Variants in MORC2 observed in about 807,000 individuals in gnomAD.
MORC2 encodes ATPase MORC2.
A neutral mutation model predicts 136.0 loss-of-function variants in MORC2; 30 were observed. The ratio of observed to expected loss-of-function variants is 0.22; its 90% CI spans 0.17 to 0.30. MORC2 has a LOEUF of 0.30. Among genes scored for constraint, MORC2 ranks in the 10% least tolerant of loss-of-function variants. The pLI is 1.00. For missense variants in MORC2, 922 were observed against 1,333.1 expected (o/e 0.69, Z 4.80); for synonymous variants, 439 against 487.0 (o/e 0.90, Z 1.30).
At chr22:30,966,987 G>C (rs1000999411) in intron 1 of MORC2, 13 of 612,240 alleles carry the variant, frequency 2.1e-5, no homozygotes, top group Non-Finnish European at 2.7e-5. Context: ...TCTCGACTCT[G>C]AAGTGGGTTC....
chr22:30,953,709 C>T (rs1172042018), intron 3 of MORC2, among the ~76,000 whole-genome samples: 2 of 152,114 alleles, frequency 1.3e-5, no homozygotes, highest in Non-Finnish European at 2.9e-5. Flanking sequence ...GCACTACCTA[C>T]CCCAGAAGGT....
At position 30,941,924 on chromosome 22, in the gene MORC2, T is replaced by A. The variant is rs748966530; in HGVS notation, c.665A>T (p.Asp222Val). 6.2e-7 allele frequency: 1 copy of A among 1,613,642 alleles called. No individual in the cohort carries two copies. Among genetic ancestry groups the A allele is most frequent in the Non-Finnish European group, 8.5e-7 (1 of 1,179,584 alleles). The change falls in exon 8 of 26, where the codon GAT becomes GTT. Residue 222 changes from aspartate to valine, a missense_variant. Asp to Val is a radical substitution (Grantham distance 152). Coordinates refer to ENST00000397641, the MANE Select transcript of MORC2 (RefSeq NM_001303256.3). This position sits in a 1 kb window ranked among gnomAD's most constrained non-coding sequence, Gnocchi z 4.6. ...PELDIISNPR[D>V]IQMAETSPEG... is the part of the protein sequence containing the mutation. ...TGGGGACGTCTCTGCCATCTGGATA[T>A]CTCTTGGATTTGAGATTATGTCTAG...
chr22:30,933,652 C>A, intron 20 of MORC2, 132 bp from the exon 21 acceptor site: 1 of 867,068 alleles, frequency 1.2e-6, no homozygotes, highest in East Asian at 2.5e-5. Context: ...CACCAAGCCC[C>A]GTTGAGAGCC....
At chr22:30,961,839 T>C (rs747057345) in intron 1 of MORC2, among the ~76,000 whole-genome samples, 26 of 152,114 alleles carry the variant, frequency 1.7e-4, no homozygotes, top group Non-Finnish European at 3.7e-4. Context: ...CCCACAAGAA[T>C]GAGAAATTTA....
chr22:30,946,304 G>A (rs770088367), intron 6 of MORC2, 37 bp downstream of exon 6: 5 of 1,533,478 alleles, frequency 3.3e-6, no homozygotes, highest in Non-Finnish European at 4.5e-6. Flanking sequence ...CTCAGGAAAT[G>A]AGGACTGGTG....
At chr22:30,933,648 G>T in intron 20 of MORC2, 128 bp from the exon 21 acceptor site, 1 of 912,362 alleles carries the variant, frequency 1.1e-6, no homozygotes, top group Non-Finnish European at 1.7e-6. Context: ...AAATCACCAA[G>T]CCCCGTTGAG....
In MORC2 at chr22:30,940,049, C is replaced by A. The variant is rs1349605211; in HGVS notation, c.905-8G>T. On this transcript the variant is annotated splice_polypyrimidine_tract_variant and splice_region_variant and intron_variant, in intron 10 of 25. Coordinates refer to ENST00000397641, the MANE Select transcript of MORC2 (RefSeq NM_001303256.3). Reference sequence around the variant, plus strand: ...CCCGCGCCTTCTCTTCAGCTGAAACCCAGAAGAGAACATGGTAAGAAATGC... The same window carrying A: ...CCCGCGCCTTCTCTTCAGCTGAAACACAGAAGAGAACATGGTAAGAAATGC... 10 of 1,612,736 alleles carry A rather than the reference C, an allele frequency of 6.2e-6. No homozygotes were observed. In the East Asian group the frequency reaches 2.2e-4, roughly 36 times the overall value.
At chr22:30,967,717 T>C in intron 1 of MORC2, 105 bp downstream of exon 1, 2 of 1,523,130 alleles carry the variant, frequency 1.3e-6, no homozygotes, top group Non-Finnish European at 1.8e-6. Flanking sequence ...TCCAGTGGGA[T>C]ACATCTCAAA....
At chr22:30,927,606 T>A (rs999050946) in intron 25 of MORC2, among the ~76,000 whole-genome samples, 6 of 152,226 alleles carry the variant, frequency 3.9e-5, no homozygotes, top group African/African-American at 1.2e-4. Context: ...AGGAACCTTC[T>A]CTGGCTTGTC....
chr22:30,936,198 G>GTA (rs909445939), intron 17 of MORC2, among the ~76,000 whole-genome samples: 2 of 152,182 alleles, frequency 1.3e-5, no homozygotes, highest in African/African-American at 2.4e-5. Flanking sequence ...TTGGAAGGAT[G>GTA]TATGGTTAAT....
chr22:30,933,951 TG>T, intron 20 of MORC2, 108 bp downstream of exon 20: 1 of 1,390,744 alleles, frequency 7.2e-7, no homozygotes, highest in Non-Finnish European at 1.0e-6. Flanking sequence ...TGGTGGGTTG[TG>T]TAGACTGCTG....
At chr22:30,942,622 C>T (rs2040757448) in intron 6 of MORC2, among the ~76,000 whole-genome samples, 2 of 152,170 alleles carry the variant, frequency 1.3e-5, no homozygotes, top group African/African-American at 2.4e-5. Context: ...TCAGTAAATA[C>T]ACATAACATA....
chr22:30,957,372 T>C (rs1407507862), intron 2 of MORC2, among the ~76,000 whole-genome samples: 2 of 152,220 alleles, frequency 1.3e-5, no homozygotes, highest in African/African-American at 4.8e-5. Flanking sequence ...AACCATTGGC[T>C]GAAATCATAC....
intron 1 of MORC2, chr22:30,967,505 G>C: frequency 9.1e-7 from 1 of 1,103,342 alleles, no homozygotes; most frequent in Non-Finnish European, 1.1e-6. Context: ...AACATTTGGC[G>C]ATCCAATAGA....
chr22:30,928,321 G>A lies in MORC2; in HGVS notation c.2842-114C>T. 7 of 1,008,316 alleles carry A rather than the reference G, an allele frequency of 6.9e-6. No homozygotes were observed. In the South Asian group the frequency reaches 1.0e-4, roughly 14 times the overall value. 62.5% of individuals were successfully genotyped at this position (1,008,316 alleles called of 1,614,324 possible). A position where few individuals can be genotyped will look rare whatever the true frequency, so the allele number is the denominator to read the frequency against. On this transcript the variant is annotated intron_variant, in intron 24 of 25. Transcript: ENST00000397641. Reference sequence around the variant, plus strand: ...TTTACCCAAGGATGCCTGGTCTGAAGGAACATCTTAGATACAAAGGGCAAA... The same window carrying A: ...TTTACCCAAGGATGCCTGGTCTGAAAGAACATCTTAGATACAAAGGGCAAA...
chr22:30,927,460 A>G lies in MORC2; in HGVS notation c.3030+559T>C, dbSNP rs1381915653. On this transcript the variant is annotated intron_variant, in intron 25 of 25. Coordinates refer to ENST00000397641, the MANE Select transcript of MORC2 (RefSeq NM_001303256.3). ...ATGCTCGTGTCACACTCTTTGCATGACTGGCTTCCAGTGTCTCCAAATGCC... is the reference window on the plus strand; with the variant it reads ...ATGCTCGTGTCACACTCTTTGCATGGCTGGCTTCCAGTGTCTCCAAATGCC... 3.3e-5 allele frequency among the ~76,000 whole-genome samples: 5 copies of G among 152,146 alleles called. No individual in the cohort carries two copies. In the East Asian group the frequency reaches 9.6e-4, roughly 29 times the overall value.
At position 30,968,016 on chromosome 22, in the gene MORC2, T is replaced by A; in HGVS notation, c.-127A>T. ...CTGTGCTCCTTAATGACAGTTAAAG[T>A]AACCTAGTAGCTATCCAAAATATAT... is the stretch of plus-strand genomic sequence containing the variant. On this transcript the variant is annotated 5_prime_UTR_variant, in exon 1 of 26. Coordinates refer to ENST00000397641, the MANE Select transcript of MORC2 (RefSeq NM_001303256.3). 1 of 791,224 alleles carries A rather than the reference T, an allele frequency of 1.3e-6. No individual in the cohort carries two copies. The highest frequency in any genetic ancestry group is 2.1e-6 in the Non-Finnish European group (1 of 478,308). The allele number at this position is 791,224 out of a possible 1,614,324, so 49.0% of individuals were successfully genotyped here.
intron 6 of MORC2, among the ~76,000 whole-genome samples, chr22:30,944,510 A>G (rs1181450668): frequency 6.6e-6 from 1 of 151,926 alleles, no homozygotes; most frequent in African/African-American, 2.4e-5. Context: ...TCTAGGTCCC[A>G]GATCCTCTTC....
At position 30,932,996 on chromosome 22, in the gene MORC2, C is replaced by T; in HGVS notation, c.2415G>A (p.Arg805=). ...KGLHVEVRVN[R]EWYTGRVTAV... The stretch of plus-strand genomic sequence containing the variant: ...CTGTGACACGGCCCGTGTACCACTC[C>T]CTGTTCACACGCACCTCCACGTGCA... The change falls in exon 22 of 26, where the codon AGG becomes AGA. Residue 805 remains arginine (R), a synonymous_variant. Transcript: ENST00000397641. The surrounding 1 kb of genome is among the most constrained non-coding windows in gnomAD (Gnocchi z 4.4). 1 of 1,614,182 alleles carries T rather than the reference C, an allele frequency of 6.2e-7. No homozygotes were observed. The highest frequency in any genetic ancestry group is 2.2e-5 in the East Asian group (1 of 44,882).
Sources: gnomAD v4.1 joint callset for allele counts (sites outside exome capture counted in the v4.1 genomes callset) on GRCh38, gnomAD v4.1.1 for gene constraint, Gnocchi (gnomAD v3.1) non-coding constraint, MANE v1.5 for transcripts, NCBI Gene and HGNC (gene_info 2026-07-23, HGNC 2026-07-21) for gene names.